UQCC1: variants seen among roughly 807,000 people sequenced by gnomAD.
The protein encoded by UQCC1 is bFGF-repressed Zic-binding protein.
UQCC1 carries 38 observed loss-of-function variants against 48.0 expected under a neutral mutation model. That is an observed-to-expected ratio of 0.79 (90% CI 0.61 to 1.04). UQCC1 has a LOEUF of 1.04. Among genes scored for constraint, UQCC1 ranks in the 50% least tolerant of loss-of-function variants. UQCC1 has a pLI of 0.00. For missense variants in UQCC1, 368 were observed against 381.8 expected, an observed-to-expected ratio of 0.96 and a Z score of 0.30; for synonymous variants, 111 against 129.2, an observed-to-expected ratio of 0.86 and a Z score of 0.95.
chr20:35,377,317 G>A (rs2061813528), intron 4 of UQCC1, among the ~76,000 whole-genome samples: 1 of 152,206 alleles, frequency 6.6e-6, no homozygotes, highest in African/African-American at 2.4e-5. Flanking sequence ...AAAAAAGCCT[G>A]TTTAATTTTG....
chr20:35,325,148 C>T (rs2061178251), intron 7 of UQCC1, among the ~76,000 whole-genome samples: 1 of 152,252 alleles, frequency 6.6e-6, no homozygotes. Context: ...TAGGTACCTT[C>T]AGAGACAGAA....
chr20:35,410,556 A>T (rs2062334946), intron 1 of UQCC1, among the ~76,000 whole-genome samples: 1 of 148,572 alleles, frequency 6.7e-6, no homozygotes, highest in Admixed American at 6.7e-5. Flanking sequence ...TACAAAAATT[A>T]GTCAGGTGTG....
At chr20:35,352,804 T>C (rs921297764) in intron 6 of UQCC1, among the ~76,000 whole-genome samples, 2 of 152,146 alleles carry the variant, frequency 1.3e-5, no homozygotes, top group African/African-American at 2.4e-5. Context: ...TGCCTCGGCA[T>C]CCTAAGTAGC....
rs185009420 is a variant in UQCC1, at chr20:35,361,457, T to C, written c.464+5100A>G. On this transcript the variant is annotated intron_variant, in intron 6 of 9. Transcript: ENST00000374385. The stretch of plus-strand genomic sequence containing the variant: ...TGTATTTTATTAGTGATTTGTTTAA[T>C]GTCTCTCTTCTCACCTAAGCCTTAA... 6.6e-3 allele frequency among the ~76,000 whole-genome samples: 1,011 copies of C among 152,260 alleles called. 15 individuals carry two copies. Among genetic ancestry groups the C allele is most frequent in the African/African-American group, 0.023 (965 of 41,522 alleles).
chr20:35,348,467 A>G (rs1355943391), intron 6 of UQCC1, among the ~76,000 whole-genome samples: 2 of 151,332 alleles, frequency 1.3e-5, no homozygotes, highest in East Asian at 3.9e-4. Flanking sequence ...TCGGCTCACT[A>G]CAAGCTCTGC....
chr20:35,406,422 T>C (rs1183328756), intron 1 of UQCC1, among the ~76,000 whole-genome samples: 2 of 152,208 alleles, frequency 1.3e-5, no homozygotes, highest in Non-Finnish European at 2.9e-5. Flanking sequence ...TCAGAAACTG[T>C]AGCAGCCAGA....
intron 2 of UQCC1, among the ~76,000 whole-genome samples, chr20:35,388,329 C>T (rs1296377715): frequency 4.9e-5 from 5 of 102,918 alleles, no homozygotes; most frequent in Non-Finnish European, 7.5e-5. Context: ...CTTGCTCTGT[C>T]ACCCAGGCTG....
chr20:35,379,786 A>G (rs1389381327), intron 4 of UQCC1, among the ~76,000 whole-genome samples: 2 of 152,216 alleles, frequency 1.3e-5, no homozygotes, highest in Non-Finnish European at 2.9e-5. Context: ...AGCCTGGGTG[A>G]CAGAGTGAGA....
At position 35,392,257 on chromosome 20, in the gene UQCC1, A is replaced by C. The variant is rs1184302091; in HGVS notation, c.129+1835T>G. The C allele has an allele frequency of 6.9e-6, 9 of 1,304,316 alleles. No homozygotes were observed. The East Asian group carries it at 5.0e-4, about 72-fold the overall frequency. The allele number at this position is 1,304,316 out of a possible 1,614,324, so 80.8% of individuals were successfully genotyped here. A position where few individuals can be genotyped will look rare whatever the true frequency, so the allele number is the denominator to read the frequency against. On this transcript the variant is annotated intron_variant, in intron 2 of 9. Transcript: ENST00000374385. ...GTACCTGAGGATGCCATTCTGAAGC[A>C]GAAGTTTCCAACCAGGGGACCTCAA...
chr20:35,315,706 T>C lies in UQCC1; in HGVS notation c.574-941A>G, dbSNP rs186292903. Among the ~76,000 whole-genome samples the C allele has an allele frequency of 3.9e-5, 6 of 152,136 alleles. No individual in the cohort carries two copies. The East Asian group carries it at 1.2e-3, about 29-fold the overall frequency. On this transcript the variant is annotated intron_variant, in intron 7 of 9. Transcript: ENST00000374385. ...GAGTTTGAGACCAGCCTGGGCAACA[T>C]GGCGAAACCCCATCCCTACAAAAAA...
chr20:35,386,596 T>C (rs1266855646), intron 2 of UQCC1, among the ~76,000 whole-genome samples: 1 of 152,142 alleles, frequency 6.6e-6, no homozygotes, highest in Non-Finnish European at 1.5e-5. Context: ...AATGCAATGG[T>C]CCACCTAAAA....
rs75284823 is a variant in UQCC1, at chr20:35,375,170, T to C, written c.334-914A>G. Among the ~76,000 whole-genome samples, 841 of 152,204 alleles carry C rather than the reference T, an allele frequency of 5.5e-3. 4 individuals carry two copies. The highest frequency in any genetic ancestry group is 0.016 in the African/African-American group (681 of 41,528). ...AATATGCATAGACCAAAAACAAATGTGTACAGGCTGAGAATGACATAGCAA... is the reference window on the plus strand; with the variant it reads ...AATATGCATAGACCAAAAACAAATGCGTACAGGCTGAGAATGACATAGCAA... On this transcript the variant is annotated intron_variant, in intron 4 of 9. Coordinates refer to ENST00000374385, the MANE Select transcript of UQCC1 (RefSeq NM_018244.5).
At chr20:35,306,446 G>A (rs1471078846) in intron 9 of UQCC1, 22 of 528,934 alleles carry the variant, frequency 4.2e-5, no homozygotes, top group Admixed American at 9.5e-5. Flanking sequence ...GAGACTACTC[G>A]ATGCCTCTTT....
At chr20:35,338,856 GAAAAAAAAAAAAAAAAAAAAAA>G (rs1172467457) in intron 7 of UQCC1, among the ~76,000 whole-genome samples, 3 of 26,848 alleles carry the variant, frequency 1.1e-4, no homozygotes, top group East Asian at 1.0e-3. Flanking sequence ...CGTCTCAAAA[GAAAAAAAAAAAAAAAAAAAAAA>G]AAAAAAAAAA....
At chr20:35,409,153 C>T (rs2062300523) in intron 1 of UQCC1, among the ~76,000 whole-genome samples, 1 of 152,098 alleles carries the variant, frequency 6.6e-6, no homozygotes. Context: ...GCACTCAATA[C>T]CACAGAACTG....
At chr20:35,366,749 G>A in intron 5 of UQCC1, 135 bp from the exon 6 acceptor site, 1 of 665,472 alleles carries the variant, frequency 1.5e-6, no homozygotes. Flanking sequence ...TAGAACAATA[G>A]GGCGAGACCA....
intron 7 of UQCC1, among the ~76,000 whole-genome samples, chr20:35,323,727 A>AT (rs1489747665): frequency 6.6e-6 from 1 of 152,210 alleles, no homozygotes; most frequent in Non-Finnish European, 1.5e-5. Flanking sequence ...GGTTGCCTCC[A>AT]TCATCTGCCT....
At chr20:35,317,217 C>T (rs1305926101) in intron 7 of UQCC1, among the ~76,000 whole-genome samples, 3 of 152,168 alleles carry the variant, frequency 2.0e-5, no homozygotes, top group Non-Finnish European at 4.4e-5. Context: ...GGATTACAGG[C>T]GTGAGCCACT....
intron 6 of UQCC1, among the ~76,000 whole-genome samples, chr20:35,351,633 T>C (rs2061491322): frequency 6.6e-6 from 1 of 152,202 alleles, no homozygotes; most frequent in South Asian, 2.1e-4. Flanking sequence ...TCAACAGCAA[T>C]AGTGAGGTAA....
Sources: allele counts gnomAD v4.1 joint callset (sites outside exome capture counted in the v4.1 genomes callset), GRCh38; gene constraint gnomAD v4.1.1; transcripts MANE v1.5; gene names NCBI Gene and HGNC (gene_info 2026-07-23, HGNC 2026-07-21).